RNF220: variants seen among roughly 807,000 people sequenced by gnomAD.
RNF220 encodes the protein ring finger protein 220.
A neutral mutation model predicts 67.1 loss-of-function variants in RNF220; 7 were observed. The observed-to-expected ratio is 0.10, with a 90% CI of 0.06 to 0.20. RNF220 has a LOEUF of 0.20. RNF220 is among the 10% of genes least tolerant of loss of function. The probability of loss-of-function intolerance (pLI) is 1.00; values close to 1 mark genes in which losing one functional copy is unlikely to be tolerated. For synonymous variants in RNF220, 270 were observed against 283.2 expected (o/e 0.95, Z 0.47); for missense variants, 565 against 740.3 (o/e 0.76, Z 2.75).
At chr1:44,625,734 G>A (rs879516844) in intron 4 of RNF220, among the ~76,000 whole-genome samples, 20 of 151,960 alleles carry the variant, frequency 1.3e-4, no homozygotes, top group Non-Finnish European at 2.1e-4. Context: ...AACTGCAGGC[G>A]TATGTAGAAG....
intron 2 of RNF220, among the ~76,000 whole-genome samples, chr1:44,601,648 A>C (rs1666926905): frequency 6.6e-6 from 1 of 152,150 alleles, no homozygotes; most frequent in Admixed American, 6.5e-5. Flanking sequence ...CTAAGGACTA[A>C]ATTTCAGAGT....
intron 2 of RNF220, among the ~76,000 whole-genome samples, chr1:44,512,471 CTG>C (rs1360300378): frequency 1.3e-5 from 2 of 152,130 alleles, no homozygotes; most frequent in African/African-American, 4.8e-5. Flanking sequence ...AGGTGACACA[CTG>C]GGGTGGTTTC....
chr1:44,456,590 G>A (rs936082732), intron 2 of RNF220, among the ~76,000 whole-genome samples: 3 of 152,174 alleles, frequency 2.0e-5, no homozygotes, highest in South Asian at 2.1e-4. Flanking sequence ...AAGGAGCTTC[G>A]TAAGTTTTGG....
intron 12 of RNF220, among the ~76,000 whole-genome samples, chr1:44,646,693 C>T (rs759227372): frequency 3.3e-5 from 5 of 152,174 alleles, no homozygotes; most frequent in Non-Finnish European, 5.9e-5. Flanking sequence ...CATGAAGGTA[C>T]AACCCACCCA....
rs1040103950 is a variant in RNF220, at chr1:44,606,108, G to A, written c.626-8057G>A. Among the ~76,000 whole-genome samples, 4 of 152,114 alleles carry A rather than the reference G, an allele frequency of 2.6e-5. No homozygotes were observed. Among genetic ancestry groups the A allele is most frequent in the African/African-American group, 7.2e-5 (3 of 41,406 alleles). ...ACTGATTCATCATACATTCAAATCC[G>A]CTGCCCCGCCCCAGCGGGAGGCCCC... On this transcript the variant is annotated intron_variant, in intron 2 of 14. Coordinates refer to ENST00000361799, the MANE Select transcript of RNF220 (RefSeq NM_018150.4). The surrounding 1 kb of genome is among the most constrained non-coding windows in gnomAD (Gnocchi z 4.2).
intron 2 of RNF220, among the ~76,000 whole-genome samples, chr1:44,574,885 ACT>A (rs778432304): frequency 4.2e-4 from 63 of 150,516 alleles, no homozygotes; most frequent in African/African-American, 1.5e-3. Context: ...TTTTTTATTG[ACT>A]CATAATATTT....
chr1:44,424,182 A>G, intron 2 of RNF220: 1 of 226,516 alleles, frequency 4.4e-6, no homozygotes, highest in Non-Finnish European at 7.4e-6. Context: ...ATGATAATGT[A>G]AAATAACAGA....
rs1262428149 is a variant in RNF220, at chr1:44,600,900, C to G, written c.626-13265C>G. ...CCACTTCCCTTCTTCCTCATCTCTT[C>G]AACAAGTACTTATCTATCACACCTC... On this transcript the variant is annotated intron_variant, in intron 2 of 14. Transcript: ENST00000361799. This position sits in a 1 kb window ranked among gnomAD's most constrained non-coding sequence, Gnocchi z 4.0. 6.6e-6 allele frequency among the ~76,000 whole-genome samples: 1 copy of G among 152,064 alleles called. No homozygotes were observed. Among genetic ancestry groups the G allele is most frequent in the Non-Finnish European group, 1.5e-5 (1 of 68,018 alleles).
chr1:44,634,151 A>G (rs1644254723), intron 6 of RNF220, among the ~76,000 whole-genome samples: 2 of 152,246 alleles, frequency 1.3e-5, no homozygotes, highest in Non-Finnish European at 2.9e-5. Context: ...CACAACAGGC[A>G]GGAGCTGGAG....
At chr1:44,502,515 A>G (rs1572699054) in intron 2 of RNF220, among the ~76,000 whole-genome samples, 1 of 152,358 alleles carries the variant, frequency 6.6e-6, no homozygotes, top group East Asian at 1.9e-4. Flanking sequence ...ATATTCATGC[A>G]CTAAATAATT....
intron 2 of RNF220, among the ~76,000 whole-genome samples, chr1:44,557,972 C>G (rs555533221): frequency 6.6e-6 from 1 of 152,192 alleles, no homozygotes; most frequent in East Asian, 1.9e-4. Context: ...CTGAGCCCTG[C>G]GGGTAGGACT....
chr1:44,405,865 G>A (rs1647278397), intron 1 of RNF220, among the ~76,000 whole-genome samples: 1 of 152,168 alleles, frequency 6.6e-6, no homozygotes, highest in African/African-American at 2.4e-5. Flanking sequence ...GGGAGGGTGA[G>A]GGCACTGCAA....
intron 2 of RNF220, among the ~76,000 whole-genome samples, chr1:44,497,364 C>CACAG (rs975205940): frequency 6.8e-6 from 1 of 148,044 alleles, no homozygotes; most frequent in East Asian, 2.0e-4. Flanking sequence ...CACACACACA[C>CACAG]AGAGTATTGC....
intron 5 of RNF220, chr1:44,632,142 G>A (rs1644157456): frequency 6.5e-7 from 1 of 1,536,362 alleles, no homozygotes; most frequent in Non-Finnish European, 8.8e-7. Context: ...CGTTAGAGCA[G>A]CGCCCGGCGG....
intron 2 of RNF220, among the ~76,000 whole-genome samples, chr1:44,437,775 C>G (rs1359786005): frequency 6.6e-5 from 10 of 152,168 alleles, no homozygotes; most frequent in Non-Finnish European, 1.5e-4. Flanking sequence ...CTGCAATGTC[C>G]TTTTCATTGT....
intron 2 of RNF220, among the ~76,000 whole-genome samples, chr1:44,518,099 C>T (rs781318115): frequency 2.5e-4 from 38 of 151,336 alleles, no homozygotes; most frequent in Non-Finnish European, 4.3e-4. Context: ...AGCAAGACTC[C>T]GTCTAAAAAT....
chr1:44,532,249 C>T (rs575303665), intron 2 of RNF220, among the ~76,000 whole-genome samples: 3 of 152,194 alleles, frequency 2.0e-5, no homozygotes, highest in East Asian at 1.9e-4. Flanking sequence ...TTTATGAATG[C>T]GGCTGGAAGT....
In RNF220 at chr1:44,645,420, C is replaced by T. The variant is rs1167310309; in HGVS notation, c.1377C>T (p.Ser459=). 1 of 1,613,982 alleles carries T rather than the reference C, an allele frequency of 6.2e-7. No individual in the cohort carries two copies. Among genetic ancestry groups the T allele is most frequent in the East Asian group, 2.2e-5 (1 of 44,880 alleles). ...CCTCTGTCCCAGCAGAGATGCCATCCACCAGCAATGGTGAAAGCAGCAAGC... is the reference window on the plus strand; with the variant it reads ...CCTCTGTCCCAGCAGAGATGCCATCTACCAGCAATGGTGAAAGCAGCAAGC... ...FSKWASDEMP[S]TSNGESSKQE... is the part of the protein sequence containing the mutation. The change falls in exon 12 of 15, where the codon TCC becomes TCT. Residue 459 remains serine, a synonymous_variant. Transcript: ENST00000361799. The surrounding 1 kb of genome is among the most constrained non-coding windows in gnomAD (Gnocchi z 5.0).
At chr1:44,637,986 C>T (rs1456501636) in intron 8 of RNF220, among the ~76,000 whole-genome samples, 2 of 152,248 alleles carry the variant, frequency 1.3e-5, no homozygotes, top group Non-Finnish European at 2.9e-5. Flanking sequence ...GCGAGATCAG[C>T]GGGGGCCACG....
Sources: allele counts gnomAD v4.1 joint callset (sites outside exome capture counted in the v4.1 genomes callset), GRCh38; gene constraint gnomAD v4.1.1; non-coding constraint Gnocchi (gnomAD v3.1); transcripts MANE v1.5; gene names NCBI Gene and HGNC (gene_info 2026-07-23, HGNC 2026-07-21).